The following GABPA variants were observed in gnomAD, a reference collection of about 807,000 sequenced individuals.
The protein encoded by GABPA is GA binding protein transcription factor subunit alpha.
GABPA carries 4 observed loss-of-function variants against 59.4 expected under a neutral mutation model. That is an observed-to-expected ratio of 0.07 (90% CI 0.03 to 0.15). GABPA has a LOEUF of 0.15. Ranked by LOEUF, GABPA falls within the 10% of genes least tolerant of loss-of-function variation. The probability of loss-of-function intolerance (pLI) is 1.00; values close to 1 mark genes in which losing one functional copy is unlikely to be tolerated. For missense variants in GABPA, 251 were observed against 543.8 expected, an observed-to-expected ratio of 0.46 and a Z score of 5.36; for synonymous variants, 164 against 183.1, an observed-to-expected ratio of 0.90 and a Z score of 0.84.
intron 9 of GABPA, among the ~76,000 whole-genome samples, chr21:25,765,247 A>G (rs553201696): frequency 6.6e-6 from 1 of 152,192 alleles, no homozygotes; most frequent in South Asian, 2.1e-4. Context: ...AGAAATTACT[A>G]TCAGAAATTA....
chr21:25,754,560 G>C (rs1400555895), intron 5 of GABPA, among the ~76,000 whole-genome samples: 1 of 151,886 alleles, frequency 6.6e-6, no homozygotes, highest in Non-Finnish European at 1.5e-5. Context: ...GTAGCATTCT[G>C]ATCTTATATT....
chr21:25,763,107 TC>T, intron 7 of GABPA: 1 of 469,270 alleles, frequency 2.1e-6, no homozygotes, highest in Non-Finnish European at 4.1e-6. Flanking sequence ...TTAATATCCA[TC>T]TCCATTTTCA....
intron 1 of GABPA, among the ~76,000 whole-genome samples, chr21:25,739,419 T>G (rs1208882723): frequency 6.6e-6 from 1 of 152,190 alleles, no homozygotes; most frequent in Non-Finnish European, 1.5e-5. Flanking sequence ...TAAAATGAGG[T>G]GTTGCCAGTG....
chr21:25,741,456 C>G, intron 1 of GABPA, 117 bp from the exon 2 acceptor site: 1 of 452,952 alleles, frequency 2.2e-6, no homozygotes, highest in South Asian at 3.9e-5. Flanking sequence ...TATGTAAAGA[C>G]TACTTCCCCC....
At chr21:25,745,713 G>A (rs1051733667) in intron 3 of GABPA, among the ~76,000 whole-genome samples, 4 of 152,076 alleles carry the variant, frequency 2.6e-5, no homozygotes, top group East Asian at 1.9e-4. Flanking sequence ...CTTCTCAAAC[G>A]TATCATTTAA....
intron 9 of GABPA, among the ~76,000 whole-genome samples, chr21:25,766,915 T>C (rs922020473): frequency 3.9e-5 from 6 of 151,912 alleles, no homozygotes; most frequent in African/African-American, 1.4e-4. Context: ...TTATGGTATA[T>C]TCATACAAGA....
chr21:25,755,883 G>A (rs2035625051), intron 5 of GABPA, among the ~76,000 whole-genome samples: 1 of 152,150 alleles, frequency 6.6e-6, no homozygotes, highest in South Asian at 2.1e-4. Context: ...GGGTTCTGCA[G>A]GCAGGAATTC....
chr21:25,748,025 G>T (rs2123514210), intron 3 of GABPA, among the ~76,000 whole-genome samples: 1 of 152,170 alleles, frequency 6.6e-6, no homozygotes, highest in South Asian at 2.1e-4. Flanking sequence ...TCATGCCTCA[G>T]CCTCCCAAGT....
At chr21:25,755,497 T>G (rs1239245836) in intron 5 of GABPA, among the ~76,000 whole-genome samples, 1 of 151,834 alleles carries the variant, frequency 6.6e-6, no homozygotes, top group East Asian at 1.9e-4. Flanking sequence ...TTATAGATCT[T>G]TTTGCAGATA....
intron 1 of GABPA, among the ~76,000 whole-genome samples, chr21:25,740,843 T>C (rs1292713819): frequency 6.6e-6 from 1 of 152,252 alleles, no homozygotes; most frequent in Non-Finnish European, 1.5e-5. Flanking sequence ...TTAATTTGCA[T>C]ATCATTGTAT....
intron 1 of GABPA, among the ~76,000 whole-genome samples, chr21:25,738,058 CTTAG>C (rs771600485): frequency 9.2e-5 from 14 of 152,088 alleles, no homozygotes; most frequent in Non-Finnish European, 8.8e-5. Context: ...TTCTGGAATG[CTTAG>C]TTAGGGATGA....
At chr21:25,762,152 A>G (rs1052977360) in intron 6 of GABPA, among the ~76,000 whole-genome samples, 160 bp from the exon 7 acceptor site, 12 of 152,086 alleles carry the variant, frequency 7.9e-5, no homozygotes, top group African/African-American at 2.9e-4. Flanking sequence ...ACTATCAAAT[A>G]TTTTTAAGGT....
At chr21:25,755,714 C>T (rs1006602889) in intron 5 of GABPA, among the ~76,000 whole-genome samples, 7 of 152,106 alleles carry the variant, frequency 4.6e-5, no homozygotes, top group Non-Finnish European at 7.4e-5. Flanking sequence ...AATGTTTTCC[C>T]GGTGTCCACA....
chr21:25,768,626 G>A (rs62224001), intron 9 of GABPA, among the ~76,000 whole-genome samples: 170 of 152,130 alleles, frequency 1.1e-3, no homozygotes, highest in Non-Finnish European at 1.9e-3. Flanking sequence ...TATGACTCCT[G>A]TGGTCTCAAA....
In GABPA at chr21:25,770,745, G is replaced by T. The variant is rs974593494; in HGVS notation, c.*1513G>T. The T allele has an allele frequency of 6.6e-6, 1 of 152,018 alleles. No homozygotes were observed. The highest frequency in any genetic ancestry group is 1.5e-5 in the Non-Finnish European group (1 of 67,902). 9.4% of individuals were successfully genotyped at this position (152,018 alleles called of 1,614,324 possible). A position where few individuals can be genotyped will look rare whatever the true frequency, so the allele number is the denominator to read the frequency against. On this transcript the variant is annotated 3_prime_UTR_variant, in exon 10 of 10. Transcript: ENST00000400075. ...TTGTTAGCAATTCTGGTAGTGGTTT[G>T]GAATGAATCCTAAGAGGCAGGGATC... is the stretch of plus-strand genomic sequence containing the variant.
intron 5 of GABPA, among the ~76,000 whole-genome samples, chr21:25,755,108 G>A (rs901909555): frequency 6.6e-6 from 1 of 151,738 alleles, no homozygotes; most frequent in Admixed American, 6.6e-5. Flanking sequence ...AGTTCTGAAG[G>A]ATTTGATAAC....
At position 25,749,135 on chromosome 21, in the gene GABPA, A is replaced by G. The variant is rs758564595; in HGVS notation, c.307+15A>G. 6.4e-6 allele frequency: 9 copies of G among 1,413,894 alleles called. No homozygotes were observed. The highest frequency in any genetic ancestry group is 8.9e-6 in the Non-Finnish European group (9 of 1,013,382). 87.6% of individuals were successfully genotyped at this position (1,413,894 alleles called of 1,614,324 possible). ...TTCTTACCAAGGTAAGTTACTTTTC[A>G]TGATAGTTATTTAAAATTTTAGCTC... On this transcript the variant is annotated intron_variant, in intron 4 of 9. Transcript: ENST00000400075.
chr21:25,764,825 A>G, intron 9 of GABPA, 38 bp downstream of exon 9: 1 of 1,422,294 alleles, frequency 7.0e-7, no homozygotes, highest in Middle Eastern at 1.8e-4. Flanking sequence ...TATCAAAAAT[A>G]GAAACTTTCT....
chr21:25,764,399 T>C, intron 8 of GABPA, 49 bp downstream of exon 8: 1 of 1,516,392 alleles, frequency 6.6e-7, no homozygotes, highest in South Asian at 1.2e-5. Flanking sequence ...TCTAATTAGG[T>C]ATATTTTGTT....
Sources: gnomAD v4.1 joint callset for allele counts (sites outside exome capture counted in the v4.1 genomes callset) on GRCh38, gnomAD v4.1.1 for gene constraint, MANE v1.5 for transcripts, NCBI Gene and HGNC (gene_info 2026-07-23, HGNC 2026-07-21) for gene names.